SLC9C1: variants seen among roughly 807,000 people sequenced by gnomAD.
SLC9C1 encodes sodium/hydrogen exchanger 10.
SLC9C1 carries 97 observed loss-of-function variants against 140.9 expected under a neutral mutation model. That is an observed-to-expected ratio of 0.69 (90% CI 0.58 to 0.82). The LOEUF is 0.82. Among genes scored for constraint, SLC9C1 ranks in the 40% least tolerant of loss-of-function variants. The pLI is 0.00. For missense variants in SLC9C1, 1,340 were observed against 1,389.3 expected (o/e 0.96, Z 0.56); for synonymous variants, 440 against 442.6 (o/e 0.99, Z 0.07).
chr3:112,217,592 T>C (rs770423219), intron 14 of SLC9C1, 31 bp from the exon 15 acceptor site: 1 of 1,539,060 alleles, frequency 6.5e-7, no homozygotes, highest in Non-Finnish European at 8.7e-7. Context: ...TTAAACATGC[T>C]TTAAACATTT....
chr3:112,225,547 A>AT (rs1429961869), intron 13 of SLC9C1, among the ~76,000 whole-genome samples: 4 of 64,480 alleles, frequency 6.2e-5, no homozygotes, highest in Non-Finnish European at 1.4e-4. Flanking sequence ...CAACCAAAAA[A>AT]AAAAACACAT....
At chr3:112,219,456 C>T (rs981754033) in intron 14 of SLC9C1, among the ~76,000 whole-genome samples, 30 of 152,170 alleles carry the variant, frequency 2.0e-4, no homozygotes, top group African/African-American at 6.8e-4. Flanking sequence ...CTCTTACATG[C>T]ATGCATAAAA....
intron 3 of SLC9C1, chr3:112,279,079 T>C (rs1576513537): frequency 2.4e-6 from 1 of 409,010 alleles, no homozygotes; most frequent in Non-Finnish European, 4.3e-6. Flanking sequence ...GACTGGAAAG[T>C]TAATGTAATT....
intron 26 of SLC9C1, among the ~76,000 whole-genome samples, 166 bp downstream of exon 26, chr3:112,167,055 C>A (rs1372793534): frequency 6.6e-6 from 1 of 152,116 alleles, no homozygotes; most frequent in Non-Finnish European, 1.5e-5. Flanking sequence ...AAAAATGTAA[C>A]TTCAATATTG....
chr3:112,250,636 C>T (rs112172027), intron 10 of SLC9C1, among the ~76,000 whole-genome samples: 44 of 152,200 alleles, frequency 2.9e-4, no homozygotes, highest in African/African-American at 8.4e-4. Context: ...CCAACACACA[C>T]GTGAAACATG....
chr3:112,228,700 A>G (rs2078743850), intron 13 of SLC9C1, among the ~76,000 whole-genome samples: 1 of 152,100 alleles, frequency 6.6e-6, no homozygotes. Context: ...AAACAAACAA[A>G]CAAATAGTAT....
chr3:112,280,261 C>T (rs1381329989), intron 3 of SLC9C1, among the ~76,000 whole-genome samples: 2 of 152,264 alleles, frequency 1.3e-5, no homozygotes, highest in Middle Eastern at 3.4e-3. Context: ...CTAACAGAAA[C>T]CCTTTAAAAC....
At chr3:112,280,533 C>T (rs938992225) in intron 3 of SLC9C1, 150 bp downstream of exon 3, 3 of 665,122 alleles carry the variant, frequency 4.5e-6, no homozygotes, top group African/African-American at 3.8e-5. Context: ...CCTTTTTCTA[C>T]ATACCTGACG....
At chr3:112,219,522 G>A (rs915476625) in intron 14 of SLC9C1, among the ~76,000 whole-genome samples, 4 of 152,094 alleles carry the variant, frequency 2.6e-5, no homozygotes, top group Non-Finnish European at 5.9e-5. Flanking sequence ...CTGCCTTTGG[G>A]GAACATTTAA....
chr3:112,180,626 C>A lies in SLC9C1; in HGVS notation c.2686G>T (p.Asp896Tyr), dbSNP rs2077421701. 5.6e-6 allele frequency: 9 copies of A among 1,613,456 alleles called. No homozygotes were observed. Among genetic ancestry groups the A allele is most frequent in the Non-Finnish European group, 7.6e-6 (9 of 1,179,772 alleles). The change falls in exon 22 of 29, where the codon GAT (aspartate) becomes TAT (tyrosine). Residue 896 changes from aspartate (D) to tyrosine (Y), a missense_variant. By Grantham distance (160) the Asp-to-Tyr change is radical (BLOSUM62 -3). Coordinates refer to ENST00000305815, the MANE Select transcript of SLC9C1 (RefSeq NM_183061.3). ...GGCTCATCACCTTCTTCAAATATAT[C>A]ATTTCCACAATCAAATGTTACAACT... Reference protein sequence around the residue: ...AKVVTFDCGNDIFEEGDEPKG... With the variant: ...AKVVTFDCGNYIFEEGDEPKG...
intron 12 of SLC9C1, among the ~76,000 whole-genome samples, chr3:112,238,978 C>A (rs6802832): frequency 0.59 from 89,885 of 151,962 alleles, 27,110 homozygotes; most frequent in East Asian, 0.79. Flanking sequence ...CTACTCTCTT[C>A]AAAGCTGTCA....
chr3:112,187,535 G>A (rs1414498066), intron 20 of SLC9C1, among the ~76,000 whole-genome samples: 12 of 152,134 alleles, frequency 7.9e-5, no homozygotes, highest in Non-Finnish European at 1.2e-4. Context: ...AGAAGATCAA[G>A]CGAGACTGTG....
intron 28 of SLC9C1, 130 bp downstream of exon 28, chr3:112,151,727 A>G (rs886558144): frequency 4.2e-6 from 3 of 714,028 alleles, no homozygotes; most frequent in Admixed American, 5.0e-5. Flanking sequence ...TGTAATTAGA[A>G]GAATCATCTG....
chr3:112,239,936 G>T lies in SLC9C1; in HGVS notation c.1350C>A (p.Thr450=). Residue 450 remains threonine, a synonymous_variant, in exon 12 of 29, where the codon ACC becomes ACA. Coordinates refer to ENST00000305815, the MANE Select transcript of SLC9C1 (RefSeq NM_183061.3). The part of the protein sequence containing the change: ...CCTFQHFQEL[T]KSAASALKFD... ...ATTTAAGGGCAGAGGCTGCAGACTT[G>T]GTTAGCTCTTGAAAGTGTTGAAATG... The T allele has an allele frequency of 6.2e-7, 1 of 1,613,934 alleles. No homozygotes were observed. The highest frequency in any genetic ancestry group is 8.5e-7 in the Non-Finnish European group (1 of 1,179,930).
At chr3:112,228,515 A>C (rs1421004553) in intron 13 of SLC9C1, among the ~76,000 whole-genome samples, 1 of 152,158 alleles carries the variant, frequency 6.6e-6, no homozygotes, top group African/African-American at 2.4e-5. Flanking sequence ...AGGAAACAAA[A>C]GGAAAAATAG....
At position 112,283,791 on chromosome 3, in the gene SLC9C1, A is replaced by G. The variant is rs185360293; in HGVS notation, c.88+2913T>C. Among the ~76,000 whole-genome samples the G allele has an allele frequency of 2.0e-3, 299 of 151,670 alleles. 1 individual carries two copies. Among genetic ancestry groups the G allele is most frequent in the African/African-American group, 6.8e-3 (282 of 41,314 alleles). The stretch of plus-strand genomic sequence containing the variant: ...TAATATTTCCATGACCACAGTATTG[A>G]GAAAACTTGCATAAATTTTGCTGCC... On this transcript the variant is annotated intron_variant, in intron 2 of 28. Transcript: ENST00000305815.
intron 23 of SLC9C1, among the ~76,000 whole-genome samples, chr3:112,172,743 A>G (rs1340402386): frequency 6.6e-6 from 1 of 152,106 alleles, no homozygotes; most frequent in Non-Finnish European, 1.5e-5. Context: ...GAGATTTTTT[A>G]AAAGAATGTT....
At chr3:112,178,288 G>A (rs964812173) in intron 23 of SLC9C1, among the ~76,000 whole-genome samples, 1 of 151,976 alleles carries the variant, frequency 6.6e-6, no homozygotes, top group East Asian at 1.9e-4. Context: ...ACAGGCATGT[G>A]TCACCATGCC....
At chr3:112,251,667 C>T (rs1032661070) in intron 10 of SLC9C1, among the ~76,000 whole-genome samples, 3 of 152,152 alleles carry the variant, frequency 2.0e-5, no homozygotes, top group Non-Finnish European at 4.4e-5. Flanking sequence ...TTACACCTCC[C>T]TGAGACCAAG....
Sources: allele counts gnomAD v4.1 joint callset (sites outside exome capture counted in the v4.1 genomes callset), GRCh38; gene constraint gnomAD v4.1.1; transcripts MANE v1.5; gene names NCBI Gene and HGNC (gene_info 2026-07-23, HGNC 2026-07-21).